CCDC91: variants seen among roughly 807,000 people sequenced by gnomAD.
The protein encoded by CCDC91 is coiled-coil domain containing 91, also known as coiled-coil domain-containing protein 91.
A neutral mutation model predicts 63.2 loss-of-function variants in CCDC91; 48 were observed. The observed-to-expected ratio is 0.76, with a 90% CI of 0.60 to 0.97. CCDC91 has a LOEUF of 0.97. CCDC91 is among the 50% of genes least tolerant of loss of function. The pLI, the probability that CCDC91 is intolerant of heterozygous loss-of-function variation, is 0.00. For missense variants in CCDC91, 500 were observed against 494.6 expected (o/e 1.01, Z -0.10); for synonymous variants, 167 against 165.8 (o/e 1.01, Z -0.06).
intron 8 of CCDC91, among the ~76,000 whole-genome samples, chr12:28,427,231 G>A (rs544063339): frequency 6.6e-6 from 1 of 152,124 alleles, no homozygotes; most frequent in African/African-American, 2.4e-5. Flanking sequence ...CCTCCTTTAT[G>A]TGAGATAAAA....
chr12:28,215,401 C>A (rs1223544017), intron 1 of CCDC91, among the ~76,000 whole-genome samples: 1 of 151,872 alleles, frequency 6.6e-6, no homozygotes, highest in Non-Finnish European at 1.5e-5. Flanking sequence ...TCTGGAGAAC[C>A]CTGATTAATA....
chr12:28,434,594 GTTTTTTT>G (rs376645678), intron 8 of CCDC91, among the ~76,000 whole-genome samples: 9 of 73,450 alleles, frequency 1.2e-4, no homozygotes, highest in African/African-American at 4.7e-4. Flanking sequence ...CCTTGGTCTG[GTTTTTTT>G]TTTTTTTTTT....
chr12:28,543,136 G>A (rs1303823691), intron 12 of CCDC91, among the ~76,000 whole-genome samples: 5 of 151,994 alleles, frequency 3.3e-5, no homozygotes, highest in East Asian at 3.9e-4. Context: ...GTTTCTCTTC[G>A]TGTAAAGACA....
chr12:28,467,976 A>C (rs1950626024), intron 11 of CCDC91, among the ~76,000 whole-genome samples: 1 of 152,022 alleles, frequency 6.6e-6, no homozygotes, highest in South Asian at 2.1e-4. Flanking sequence ...GATAGCTATA[A>C]GTGCCTACAT....
intron 12 of CCDC91, among the ~76,000 whole-genome samples, chr12:28,534,342 C>G (rs1450077987): frequency 6.6e-6 from 1 of 152,112 alleles, no homozygotes; most frequent in African/African-American, 2.4e-5. Flanking sequence ...ATTTATACAA[C>G]TTTTTTATGA....
intron 8 of CCDC91, among the ~76,000 whole-genome samples, chr12:28,411,541 T>G (rs1278475933): frequency 1.3e-5 from 2 of 152,200 alleles, no homozygotes; most frequent in South Asian, 4.1e-4. Flanking sequence ...TTGTCATATT[T>G]CACTTTCTCT....
intron 12 of CCDC91, among the ~76,000 whole-genome samples, chr12:28,492,529 T>G (rs1952067853): frequency 6.6e-6 from 1 of 151,532 alleles, no homozygotes; most frequent in African/African-American, 2.4e-5. Flanking sequence ...TTCTACTATA[T>G]CACACCAGTG....
chr12:28,196,400 C>T (rs376561115), intron 1 of CCDC91, among the ~76,000 whole-genome samples: 19 of 152,174 alleles, frequency 1.2e-4, no homozygotes, highest in Admixed American at 5.2e-4. Flanking sequence ...CTGGTAGAGA[C>T]AGCTTTATTT....
chr12:28,411,427 T>C (rs770358410), intron 8 of CCDC91, among the ~76,000 whole-genome samples: 4 of 152,196 alleles, frequency 2.6e-5, no homozygotes, highest in African/African-American at 4.8e-5. Flanking sequence ...AATGATCTTA[T>C]AGACGGTGTC....
At chr12:28,305,264 C>T (rs1339354831) in intron 3 of CCDC91, among the ~76,000 whole-genome samples, 1 of 151,900 alleles carries the variant, frequency 6.6e-6, no homozygotes, top group Admixed American at 6.6e-5. Flanking sequence ...GGTAGGTACT[C>T]TAGCGCTTTT....
In CCDC91 at chr12:28,504,291, T is replaced by G. The variant is rs1457390059; in HGVS notation, c.1215+20126T>G. On this transcript the variant is annotated intron_variant, in intron 12 of 12. Coordinates refer to ENST00000536442, the MANE Select transcript of CCDC91 (RefSeq NM_018318.5). ...TTTGTACAATCCTATACCAAGAAAA[T>G]GTTTCCCAATACTTTTATTGACAAG... Among the ~76,000 whole-genome samples the G allele has an allele frequency of 2.0e-5, 3 of 151,718 alleles. No homozygotes were observed. In the South Asian group the frequency reaches 6.2e-4, roughly 32 times the overall value.
chr12:28,499,854 A>G (rs1490248357), intron 12 of CCDC91, among the ~76,000 whole-genome samples: 1 of 152,150 alleles, frequency 6.6e-6, no homozygotes. Flanking sequence ...CTTTGGGTAT[A>G]TACCCAGTAA....
intron 1 of CCDC91, among the ~76,000 whole-genome samples, chr12:28,240,827 A>C (rs1464862868): frequency 6.6e-6 from 1 of 152,218 alleles, no homozygotes; most frequent in African/African-American, 2.4e-5. Flanking sequence ...AGCTATGAAC[A>C]ATCATGTACT....
At chr12:28,531,932 C>A (rs933623926) in intron 12 of CCDC91, among the ~76,000 whole-genome samples, 1 of 151,962 alleles carries the variant, frequency 6.6e-6, no homozygotes, top group Non-Finnish European at 1.5e-5. Flanking sequence ...AAGGAAGGAG[C>A]AGGGTAATGA....
chr12:28,505,865 G>A (rs1319108837), intron 12 of CCDC91, among the ~76,000 whole-genome samples: 2 of 151,986 alleles, frequency 1.3e-5, no homozygotes, highest in African/African-American at 4.8e-5. Context: ...ACCAAGAAGT[G>A]CTCCAACGGA....
At chr12:28,546,802 A>G (rs966663506) in intron 12 of CCDC91, among the ~76,000 whole-genome samples, 18 of 152,102 alleles carry the variant, frequency 1.2e-4, no homozygotes, top group Admixed American at 4.6e-4. Flanking sequence ...CTGATAACTT[A>G]GTATACTCTC....
chr12:28,217,050 A>G (rs1651264208), intron 1 of CCDC91, among the ~76,000 whole-genome samples: 1 of 152,142 alleles, frequency 6.6e-6, no homozygotes, highest in African/African-American at 2.4e-5. Context: ...AATGAACATT[A>G]TTACTACTGC....
At chr12:28,269,251 C>T (rs149546930) in intron 3 of CCDC91, among the ~76,000 whole-genome samples, 2 of 152,082 alleles carry the variant, frequency 1.3e-5, no homozygotes, top group African/African-American at 4.8e-5. Context: ...TGGTGGTATT[C>T]TCCTCTGTAT....
At chr12:28,510,988 A>G (rs1939313268) in intron 12 of CCDC91, among the ~76,000 whole-genome samples, 1 of 151,870 alleles carries the variant, frequency 6.6e-6, no homozygotes, top group South Asian at 2.1e-4. Context: ...AAATCCTAGA[A>G]GTTATCCTTT....
Sources: allele counts gnomAD v4.1 joint callset (sites outside exome capture counted in the v4.1 genomes callset), GRCh38; gene constraint gnomAD v4.1.1; transcripts MANE v1.5; gene names NCBI Gene and HGNC (gene_info 2026-07-23, HGNC 2026-07-21).